Variants in SULT1A3 observed in about 807,000 individuals in gnomAD.
SULT1A3 encodes the protein sulfotransferase family 1A member 3.
For synonymous variants in SULT1A3, 4 were observed against 29.3 expected (o/e 0.14, Z 2.79); for missense variants, 11 against 62.7 (o/e 0.18, Z 2.78).
chr16:30,201,372 G>A (rs1350707487), intron 4 of SULT1A3, 79 bp downstream of exon 4: 1 of 142,788 alleles, frequency 7.0e-6, no homozygotes, highest in Non-Finnish European at 1.5e-5. Flanking sequence ...GGCGAGAGAT[G>A]GAGACCAGCC....
rs916354804 is a variant in SULT1A3 at position 30,204,166 on chromosome 16, C to G, written c.*246C>G. ...CATGTGCTGGCACTTACCTGTAGTC[C>G]CAGCTACTTGGGAAGCAGAGGCTGG... On this transcript the variant is annotated 3_prime_UTR_variant, in exon 8 of 8. Coordinates refer to ENST00000338971, the MANE Select transcript of SULT1A3 (RefSeq NM_177552.4). 4.4e-6 allele frequency: 1 copy of G among 224,870 alleles called. No individual in the cohort carries two copies. Among genetic ancestry groups the G allele is most frequent in the Non-Finnish European group, 9.2e-6 (1 of 108,258 alleles). 13.9% of individuals were successfully genotyped at this position (224,870 alleles called of 1,614,324 possible).
intron 4 of SULT1A3, chr16:30,201,909 T>G (rs2073446812): frequency 9.2e-6 from 1 of 108,632 alleles, no homozygotes; most frequent in South Asian, 3.9e-4. Flanking sequence ...GTTGGTCAAG[T>G]GGATCTCAAA....
In SULT1A3 at chr16:30,200,887, A is replaced by C; in HGVS notation, c.148+11A>C. On this transcript the variant is annotated intron_variant, in intron 2 of 7. Coordinates refer to ENST00000338971, the MANE Select transcript of SULT1A3 (RefSeq NM_177552.4). ...CCTACCCCAAGTCTGGTAAGTGAGG[A>C]GGGCCACCCACCCTCTCCCAGGCGG... 1.8e-6 allele frequency: 1 copy of C among 552,416 alleles called. No individual in the cohort carries two copies. The allele number at this position is 552,416 out of a possible 1,614,324, so 34.2% of individuals were successfully genotyped here. A position where few individuals can be genotyped will look rare whatever the true frequency, so the allele number is the denominator to read the frequency against.
At chr16:30,201,599 G>A (rs2073443906) in intron 4 of SULT1A3, among the ~76,000 whole-genome samples, 1 of 152,118 alleles carries the variant, frequency 6.6e-6, no homozygotes. Flanking sequence ...AGTTCCCACT[G>A]ACTGGCAAGG....
In SULT1A3 at chr16:30,200,713, CCCCTGATG is replaced by C. The variant is rs2073435827; in HGVS notation, c.-4-10_-4-3del. On this transcript the variant is annotated splice_region_variant and splice_polypyrimidine_tract_variant and intron_variant, in intron 1 of 7. Coordinates refer to ENST00000338971, the MANE Select transcript of SULT1A3 (RefSeq NM_177552.4). The stretch of plus-strand genomic sequence containing the variant: ...GGTAAGGGAACGGGCCTGGCTCTGG[CCCCTGATG>C]CAGGAACATGGAGCTGATCCAGGAC... 7.5e-7 allele frequency: 1 copy of C among 1,330,810 alleles called. No homozygotes were observed. Among genetic ancestry groups the C allele is most frequent in the Admixed American group, 3.0e-5 (1 of 33,276 alleles). 82.4% of individuals were successfully genotyped at this position (1,330,810 alleles called of 1,614,324 possible). A position where few individuals can be genotyped will look rare whatever the true frequency, so the allele number is the denominator to read the frequency against.
intron 4 of SULT1A3, among the ~76,000 whole-genome samples, chr16:30,201,590 G>A (rs2073443794): frequency 6.6e-6 from 1 of 152,118 alleles, no homozygotes; most frequent in African/African-American, 2.4e-5. Flanking sequence ...GAAAAAAAAA[G>A]TTCCCACTGA....
At chr16:30,200,476 G>GA (rs1213782858) in intron 1 of SULT1A3, 85 of 36,582 alleles carry the variant, frequency 2.3e-3, no homozygotes, top group Middle Eastern at 0.02. Flanking sequence ...CTCTACTAAA[G>GA]AAAAAAAAAA....
chr16:30,201,557 C>T (rs2073443436), intron 4 of SULT1A3, among the ~76,000 whole-genome samples: 2 of 151,938 alleles, frequency 1.3e-5, no homozygotes, highest in African/African-American at 4.8e-5. Flanking sequence ...CCAGCCTGGG[C>T]AACACAGCAA....
At chr16:30,201,560 C>G (rs1312287821) in intron 4 of SULT1A3, among the ~76,000 whole-genome samples, 2 of 151,986 alleles carry the variant, frequency 1.3e-5, no homozygotes, top group Non-Finnish European at 2.9e-5. Flanking sequence ...GCCTGGGCAA[C>G]ACAGCAAAAC....
At chr16:30,201,617 G>A (rs1455539937) in intron 4 of SULT1A3, among the ~76,000 whole-genome samples, 1 of 152,052 alleles carries the variant, frequency 6.6e-6, no homozygotes, top group African/African-American at 2.4e-5. Flanking sequence ...AGGAAAGCCA[G>A]GAAGGGGGGC....
chr16:30,204,093 G>A lies in SULT1A3; in HGVS notation c.*173G>A, dbSNP rs2073453279. 6.9e-6 allele frequency: 1 copy of A among 144,598 alleles called. No individual in the cohort carries two copies. Among genetic ancestry groups the A allele is most frequent in the Non-Finnish European group, 1.5e-5 (1 of 64,526 alleles). 9.0% of individuals were successfully genotyped at this position (144,598 alleles called of 1,614,324 possible). A position where few individuals can be genotyped will look rare whatever the true frequency, so the allele number is the denominator to read the frequency against. ...AGGCCACGAATTTGAGACCAGCCTGGTAAAATAGTGAGACCTCATCTCTAC... is the reference window on the plus strand; with the variant it reads ...AGGCCACGAATTTGAGACCAGCCTGATAAAATAGTGAGACCTCATCTCTAC... On this transcript the variant is annotated 3_prime_UTR_variant, in exon 8 of 8. Coordinates refer to ENST00000338971, the MANE Select transcript of SULT1A3 (RefSeq NM_177552.4).
chr16:30,202,070 C>A lies in SULT1A3; in HGVS notation c.373-620C>A, dbSNP rs1443566763. The A allele has an allele frequency of 2.2e-4, 9 of 41,302 alleles. No homozygotes were observed. The East Asian group carries it at 4.0e-3, about 18-fold the overall frequency. 2.6% of individuals were successfully genotyped at this position (41,302 alleles called of 1,614,324 possible). A position where few individuals can be genotyped will look rare whatever the true frequency, so the allele number is the denominator to read the frequency against. On this transcript the variant is annotated intron_variant, in intron 4 of 7. Coordinates refer to ENST00000338971, the MANE Select transcript of SULT1A3 (RefSeq NM_177552.4). Reference sequence around the variant, plus strand: ...TCGTGTGATCTCGGTTCACTGCAACCACCGCCTCCTGGGTTCAAGCAATTC... The same window carrying A: ...TCGTGTGATCTCGGTTCACTGCAACAACCGCCTCCTGGGTTCAAGCAATTC...
chr16:30,200,603 C>T (rs2073434185), intron 1 of SULT1A3, 122 bp from the exon 2 acceptor site: 2 of 1,169,874 alleles, frequency 1.7e-6, no homozygotes, highest in Non-Finnish European at 1.1e-6. Context: ...TGCCACACTG[C>T]ACTCCAGCTT....
At chr16:30,201,653 T>G (rs1373640980) in intron 4 of SULT1A3, among the ~76,000 whole-genome samples, 1 of 151,590 alleles carries the variant, frequency 6.6e-6, no homozygotes, top group Non-Finnish European at 1.5e-5. Flanking sequence ...GCCATGTACC[T>G]GTTCTTCTGG....
Position 30,203,883 on chromosome 16 carries a change from T to C in SULT1A3, c.851T>C (p.Met284Thr), listed in dbSNP as rs1386254020. ...TTCGATGCGGACTATGCGGAGAAGA[T>C]GGCAGGCTGCAGCCTCAGCTTCCGC... ...ERFDADYAEK[M>T]AGCSLSFRSE... Residue 284 changes from methionine (M) to threonine (T), a missense_variant, in exon 8 of 8, where the codon ATG (methionine) becomes ACG (threonine). Transcript: ENST00000338971. The C allele has an allele frequency of 3.3e-6, 1 of 305,216 alleles. No individual in the cohort carries two copies. Among genetic ancestry groups the C allele is most frequent in the Admixed American group, 7.0e-5 (1 of 14,354 alleles). 18.9% of individuals were successfully genotyped at this position (305,216 alleles called of 1,614,324 possible).
At chr16:30,201,657 C>T (rs2073444468) in intron 4 of SULT1A3, among the ~76,000 whole-genome samples, 1 of 151,468 alleles carries the variant, frequency 6.6e-6, no homozygotes, top group Non-Finnish European at 1.5e-5. Context: ...TGTACCTGTT[C>T]TTCTGGAAGG....
Position 30,204,079 on chromosome 16 carries a change from T to A in SULT1A3, c.*159T>A, listed in dbSNP as rs1056158142. ...GGTAGGATCACAATAGGCCACGAAT[T>A]TGAGACCAGCCTGGTAAAATAGTGA... On this transcript the variant is annotated 3_prime_UTR_variant, in exon 8 of 8. Coordinates refer to ENST00000338971, the MANE Select transcript of SULT1A3 (RefSeq NM_177552.4). The A allele has an allele frequency of 7.0e-6, 1 of 143,090 alleles. No homozygotes were observed. Among genetic ancestry groups the A allele is most frequent in the African/African-American group, 2.5e-5 (1 of 39,844 alleles). 8.9% of individuals were successfully genotyped at this position (143,090 alleles called of 1,614,324 possible).
intron 4 of SULT1A3, 98 bp downstream of exon 4, chr16:30,201,391 A>T (rs1794288774): frequency 7.4e-6 from 1 of 134,946 alleles, no homozygotes; most frequent in Non-Finnish European, 1.6e-5. Context: ...CCTGGGCAAC[A>T]TTGCTGTAGA....
At position 30,201,226 on chromosome 16, in the gene SULT1A3, C is replaced by A. The variant is rs1210653013; in HGVS notation, c.305C>A (p.Pro102Gln). 1 of 412,160 alleles carries A rather than the reference C, an allele frequency of 2.4e-6. No individual in the cohort carries two copies. Among genetic ancestry groups the A allele is most frequent in the African/African-American group, 4.0e-5 (1 of 25,090 alleles). The allele number at this position is 412,160 out of a possible 1,614,324, so 25.5% of individuals were successfully genotyped here. ...GLETLKDTPPPRLIKSHLPLA... is the reference protein window; with the variant it reads ...GLETLKDTPPQRLIKSHLPLA... The stretch of plus-strand genomic sequence containing the variant: ...GAGACTCTGAAAGACACACCGCCCC[C>A]ACGGCTCATCAAGTCACACCTGCCC... The change falls in exon 4 of 8, where the codon CCA (proline) becomes CAA (glutamine). Residue 102 changes from proline to glutamine, a missense_variant. Physicochemically the swap from Pro to Gln is moderately conservative, Grantham distance 76 (BLOSUM62 -1). Transcript: ENST00000338971.
Sources: gnomAD v4.1 joint callset for allele counts (sites outside exome capture counted in the v4.1 genomes callset) on GRCh38, gnomAD v4.1.1 for gene constraint, MANE v1.5 for transcripts, NCBI Gene and HGNC (gene_info 2026-07-23, HGNC 2026-07-21) for gene names.